Variants in SOX5 observed in about 807,000 individuals in gnomAD.
SOX5 encodes transcription factor SOX-5.
A neutral mutation model predicts 92.0 loss-of-function variants in SOX5; 9 were observed. The observed-to-expected ratio is 0.10, with a 90% CI of 0.06 to 0.17. The LOEUF is 0.17. Ranked by LOEUF, SOX5 falls within the 10% of genes least tolerant of loss-of-function variation. SOX5 has a pLI of 1.00. For missense variants in SOX5, 642 were observed against 944.5 expected, an observed-to-expected ratio of 0.68 and a Z score of 4.20; for synonymous variants, 344 against 336.3, an observed-to-expected ratio of 1.02 and a Z score of -0.25.
intron 4 of SOX5, among the ~76,000 whole-genome samples, chr12:24,020,433 G>C (rs1043664495): frequency 3.3e-5 from 5 of 152,152 alleles, no homozygotes; most frequent in Admixed American, 1.3e-4. Flanking sequence ...TTTACTTAAA[G>C]GAAGAAAACA....
chr12:23,533,302 T>G lies in SOX5; in HGVS notation c.*917A>C. On this transcript the variant is annotated 3_prime_UTR_variant, in exon 15 of 15. Coordinates refer to ENST00000451604, the MANE Select transcript of SOX5 (RefSeq NM_006940.6). ...AAAATATTTTTCTCTAAATTTCTTA[T>G]GTCTCTCTCTCTCTCTCTCTTTTCA... The G allele has an allele frequency of 2.5e-6, 1 of 397,528 alleles. No homozygotes were observed. Among genetic ancestry groups the G allele is most frequent in the Non-Finnish European group, 5.3e-6 (1 of 190,084 alleles). 24.6% of individuals were successfully genotyped at this position (397,528 alleles called of 1,614,324 possible).
intron 11 of SOX5, among the ~76,000 whole-genome samples, chr12:23,557,373 A>G (rs1055300739): frequency 2.0e-5 from 3 of 152,238 alleles, no homozygotes; most frequent in Non-Finnish European, 4.4e-5. Context: ...ACATTTTTCC[A>G]GCTATGATTT....
intron 9 of SOX5, among the ~76,000 whole-genome samples, chr12:23,581,056 T>C (rs1351776712): frequency 6.6e-6 from 1 of 152,036 alleles, no homozygotes; most frequent in Non-Finnish European, 1.5e-5. Flanking sequence ...CATAATTGTA[T>C]AATAGTCATA....
intron 1 of SOX5, among the ~76,000 whole-genome samples, chr12:23,913,165 T>A (rs2097370307): frequency 6.6e-6 from 1 of 152,146 alleles, no homozygotes. Context: ...TTATCATATT[T>A]TCATTGTTAA....
At chr12:24,099,330 T>C (rs759211320) in intron 4 of SOX5, among the ~76,000 whole-genome samples, 30 of 152,070 alleles carry the variant, frequency 2.0e-4, no homozygotes, top group Non-Finnish European at 3.8e-4. Flanking sequence ...GGAAGATTAT[T>C]ATTGGGATCA....
chr12:23,922,301 A>C (rs568592975), intron 1 of SOX5, among the ~76,000 whole-genome samples: 2 of 152,372 alleles, frequency 1.3e-5, no homozygotes, highest in African/African-American at 4.8e-5. Flanking sequence ...GTCTAATGTC[A>C]TGTGTCCATT....
chr12:24,023,696 C>A (rs1187051152), intron 4 of SOX5, among the ~76,000 whole-genome samples: 1 of 151,882 alleles, frequency 6.6e-6, no homozygotes, highest in Non-Finnish European at 1.5e-5. Flanking sequence ...AAAGTGATTC[C>A]CCATTAATTG....
At chr12:23,909,859 C>A (rs2097332558) in intron 1 of SOX5, among the ~76,000 whole-genome samples, 1 of 151,946 alleles carries the variant, frequency 6.6e-6, no homozygotes, top group African/African-American at 2.4e-5. Context: ...CCCAAACACC[C>A]CCATTCCAAT....
chr12:24,192,153 G>A (rs1266755920), intron 4 of SOX5, among the ~76,000 whole-genome samples: 1 of 152,124 alleles, frequency 6.6e-6, no homozygotes, highest in Non-Finnish European at 1.5e-5. Context: ...ACTGAGACAG[G>A]GAAGCTAAGC....
intron 3 of SOX5, among the ~76,000 whole-genome samples, chr12:24,258,610 A>G (rs778204677): frequency 1.3e-5 from 2 of 152,216 alleles, no homozygotes; most frequent in African/African-American, 4.8e-5. Flanking sequence ...AACAAAAATC[A>G]TAAGAATTTC....
intron 1 of SOX5, among the ~76,000 whole-genome samples, chr12:23,910,807 C>A (rs2097343368): frequency 6.6e-6 from 1 of 152,074 alleles, no homozygotes; most frequent in Non-Finnish European, 1.5e-5. Context: ...GTGATTTCTT[C>A]CCCAACCTGT....
At chr12:23,567,853 A>AT (rs528401788) in intron 10 of SOX5, among the ~76,000 whole-genome samples, 287 of 152,108 alleles carry the variant, frequency 1.9e-3, no homozygotes, top group Non-Finnish European at 3.1e-3. Flanking sequence ...CTCCTTATAT[A>AT]TTTTTTTCAG....
At chr12:24,148,784 G>A (rs1951367477) in intron 4 of SOX5, among the ~76,000 whole-genome samples, 1 of 151,654 alleles carries the variant, frequency 6.6e-6, no homozygotes, top group East Asian at 1.9e-4. Flanking sequence ...CAGCTACTTG[G>A]AAGGCTGAGG....
At chr12:24,191,130 T>C (rs1377640530) in intron 4 of SOX5, among the ~76,000 whole-genome samples, 1 of 152,066 alleles carries the variant, frequency 6.6e-6, no homozygotes, top group Non-Finnish European at 1.5e-5. Flanking sequence ...TCCTGCTTTG[T>C]GTGAGTGAGA....
intron 4 of SOX5, among the ~76,000 whole-genome samples, chr12:24,057,917 A>G (rs1958292126): frequency 6.6e-6 from 1 of 152,196 alleles, no homozygotes; most frequent in Non-Finnish European, 1.5e-5. Context: ...ATTTCTCCAC[A>G]GTCTTTAAAT....
intron 1 of SOX5, among the ~76,000 whole-genome samples, chr12:24,531,400 A>G (rs1357398307): frequency 1.3e-5 from 2 of 152,210 alleles, no homozygotes; most frequent in Non-Finnish European, 2.9e-5. Context: ...CAGGCACACC[A>G]ATCTAAAAAT....
chr12:24,304,774 C>T (rs907423170), intron 2 of SOX5, among the ~76,000 whole-genome samples: 3 of 152,186 alleles, frequency 2.0e-5, no homozygotes, highest in South Asian at 2.1e-4. Context: ...CATATTCCTT[C>T]TCCTTGTTAG....
chr12:24,281,604 G>T (rs189621033), intron 2 of SOX5, among the ~76,000 whole-genome samples: 1 of 152,152 alleles, frequency 6.6e-6, no homozygotes, highest in Non-Finnish European at 1.5e-5. Context: ...TGTGTACCTC[G>T]CAGGGCCTGG....
chr12:23,746,142 T>A (rs1373868923), intron 4 of SOX5, among the ~76,000 whole-genome samples: 1 of 152,188 alleles, frequency 6.6e-6, no homozygotes, highest in Non-Finnish European at 1.5e-5. Context: ...CACGGCTTCA[T>A]CTCTAAATTA....
Sources: gnomAD v4.1 joint callset for allele counts (sites outside exome capture counted in the v4.1 genomes callset) on GRCh38, gnomAD v4.1.1 for gene constraint, MANE v1.5 for transcripts, NCBI Gene and HGNC (gene_info 2026-07-23, HGNC 2026-07-21) for gene names.